The following CNTN4 variants were observed in gnomAD, a reference collection of about 807,000 sequenced individuals.
The protein encoded by CNTN4 is contactin 4.
CNTN4 carries 77 observed loss-of-function variants against 122.5 expected under a neutral mutation model. The ratio of observed to expected loss-of-function variants is 0.63; its 90% CI spans 0.52 to 0.76. The LOEUF (loss-of-function observed/expected upper bound fraction) is 0.76, where lower values mean the gene tolerates loss of function less well. CNTN4 is among the 30% of genes least tolerant of loss of function. The probability of loss-of-function intolerance (pLI) is 0.00; values close to 1 mark genes in which losing one functional copy is unlikely to be tolerated. For synonymous variants in CNTN4, 512 were observed against 447.0 expected (o/e 1.15, Z -1.83); for missense variants, 1,256 against 1,259.1 (o/e 1.00, Z 0.04).
chr3:2,274,683 C>T (rs1165528058), intron 2 of CNTN4, among the ~76,000 whole-genome samples: 1 of 152,044 alleles, frequency 6.6e-6, no homozygotes, highest in East Asian at 1.9e-4. Flanking sequence ...CAAAAGATAT[C>T]CCTGGGGAGG....
intron 2 of CNTN4, among the ~76,000 whole-genome samples, chr3:2,234,741 T>G (rs2039618330): frequency 6.6e-6 from 1 of 152,220 alleles, no homozygotes; most frequent in African/African-American, 2.4e-5. Flanking sequence ...TTTATGAGTG[T>G]GATCGTCACA....
chr3:2,436,385 G>A (rs561765327), intron 3 of CNTN4, among the ~76,000 whole-genome samples: 3 of 152,208 alleles, frequency 2.0e-5, no homozygotes, highest in East Asian at 1.9e-4. Context: ...ATAGGAGAAG[G>A]CATTCTGAAG....
In CNTN4 at chr3:2,413,064, T is replaced by C. The variant is rs115476914; in HGVS notation, c.-89+73831T>C. On this transcript the variant is annotated intron_variant, in intron 3 of 24. Coordinates refer to ENST00000418658, the MANE Select transcript of CNTN4 (RefSeq NM_175607.3). ...CAGGATTCCATATGATTCTACAGGA[T>C]TCCATATGATTCTACATACATATGC... 3.9e-3 allele frequency among the ~76,000 whole-genome samples: 588 copies of C among 152,302 alleles called. 8 individuals carry two copies. The highest frequency in any genetic ancestry group is 0.013 in the African/African-American group (561 of 41,566).
chr3:2,445,113 A>T (rs929942700), intron 3 of CNTN4, among the ~76,000 whole-genome samples: 2 of 152,162 alleles, frequency 1.3e-5, no homozygotes, highest in Non-Finnish European at 2.9e-5. Flanking sequence ...TCTGATTACT[A>T]ATCCTGAAGG....
intron 14 of CNTN4, among the ~76,000 whole-genome samples, chr3:2,995,467 C>T (rs1249791526): frequency 6.6e-6 from 1 of 152,194 alleles, no homozygotes; most frequent in Non-Finnish European, 1.5e-5. Flanking sequence ...TGCCCTGACT[C>T]CAGCCTGCCC....
intron 2 of CNTN4, among the ~76,000 whole-genome samples, chr3:2,203,259 G>C (rs2038184178): frequency 6.6e-6 from 1 of 152,122 alleles, no homozygotes; most frequent in Admixed American, 6.6e-5. Flanking sequence ...TGATCACATA[G>C]TGACTATTTG....
intron 2 of CNTN4, among the ~76,000 whole-genome samples, chr3:2,179,269 G>A (rs773872947): frequency 2.0e-5 from 3 of 151,944 alleles, no homozygotes; most frequent in African/African-American, 4.8e-5. Context: ...AAAATTATCC[G>A]TGAGAGTATT....
chr3:2,880,645 A>C (rs1280492762), intron 8 of CNTN4, among the ~76,000 whole-genome samples: 1 of 152,208 alleles, frequency 6.6e-6, no homozygotes, highest in Non-Finnish European at 1.5e-5. Context: ...CCCAGAAAGG[A>C]GGAATAATTT....
At chr3:2,938,845 A>G (rs1445762015) in intron 13 of CNTN4, among the ~76,000 whole-genome samples, 1 of 152,222 alleles carries the variant, frequency 6.6e-6, no homozygotes, top group Non-Finnish European at 1.5e-5. Context: ...CAGAGAAAAT[A>G]GCTGTGTATC....
intron 2 of CNTN4, among the ~76,000 whole-genome samples, chr3:2,221,867 G>C (rs1341870664): frequency 6.6e-5 from 10 of 151,962 alleles, no homozygotes; most frequent in Non-Finnish European, 1.2e-4. Flanking sequence ...TTACTAGGAT[G>C]GTTAAAATAA....
At chr3:3,031,352 C>G (rs1410617244) in intron 16 of CNTN4, among the ~76,000 whole-genome samples, 1 of 152,096 alleles carries the variant, frequency 6.6e-6, no homozygotes, top group Non-Finnish European at 1.5e-5. Flanking sequence ...AATTAGTATC[C>G]TAGGCCACTG....
At chr3:2,900,249 C>G (rs1007457151) in intron 10 of CNTN4, among the ~76,000 whole-genome samples, 6 of 152,148 alleles carry the variant, frequency 3.9e-5, no homozygotes, top group Non-Finnish European at 8.8e-5. Flanking sequence ...CACTTTCACA[C>G]ACATACAGTT....
chr3:2,115,533 C>A (rs564404996), intron 2 of CNTN4, among the ~76,000 whole-genome samples: 3 of 152,344 alleles, frequency 2.0e-5, no homozygotes, highest in Admixed American at 1.3e-4. Flanking sequence ...CAGGGTGCCT[C>A]TTGAGGCCTG....
chr3:2,364,935 A>G (rs559198568), intron 3 of CNTN4, among the ~76,000 whole-genome samples: 1 of 152,248 alleles, frequency 6.6e-6, no homozygotes, highest in Non-Finnish European at 1.5e-5. Flanking sequence ...TAATAGTGCG[A>G]TTTGGCTTTG....
chr3:2,571,548 G>T lies in CNTN4; in HGVS notation c.45G>T (p.Leu15Phe), dbSNP rs112813310. 1.9e-6 allele frequency: 3 copies of T among 1,613,054 alleles called. No individual in the cohort carries two copies. The highest frequency in any genetic ancestry group is 1.7e-5 in the Admixed American group (1 of 60,022). Residue 15 changes from leucine to phenylalanine, a missense_variant, in exon 4 of 25, where the codon TTG becomes TTT. Transcript: ENST00000418658. ...WELLVLQSFILCLADDSTLHG... is the reference protein window; with the variant it reads ...WELLVLQSFIFCLADDSTLHG... ...TGCTGGTACTGCAATCATTCATTTT[G>T]TGCCTTGCAGGTAGAGTGTCATTTT...
At chr3:2,813,516 AAACT>A (rs1362142265) in intron 6 of CNTN4, among the ~76,000 whole-genome samples, 1 of 152,038 alleles carries the variant, frequency 6.6e-6, no homozygotes, top group Non-Finnish European at 1.5e-5. Context: ...GATTCTTAAC[AAACT>A]ATGATGTGTG....
At chr3:2,644,614 G>C (rs1285832905) in intron 4 of CNTN4, among the ~76,000 whole-genome samples, 1 of 150,980 alleles carries the variant, frequency 6.6e-6, no homozygotes, top group Non-Finnish European at 1.5e-5. Flanking sequence ...CAAGACTATA[G>C]AAGAACTGGA....
intron 6 of CNTN4, among the ~76,000 whole-genome samples, chr3:2,777,105 C>G (rs1335548230): frequency 6.6e-6 from 1 of 152,112 alleles, no homozygotes; most frequent in African/African-American, 2.4e-5. Context: ...CTTAGCCTCC[C>G]AAGCAGCAGG....
At chr3:2,853,735 T>A (rs560115131) in intron 7 of CNTN4, among the ~76,000 whole-genome samples, 2 of 152,304 alleles carry the variant, frequency 1.3e-5, no homozygotes, top group African/African-American at 4.8e-5. Context: ...TCGCTCTCTG[T>A]TTTGGCGTCT....
Sources: allele counts gnomAD v4.1 joint callset (sites outside exome capture counted in the v4.1 genomes callset), GRCh38; gene constraint gnomAD v4.1.1; transcripts MANE v1.5; gene names NCBI Gene and HGNC (gene_info 2026-07-23, HGNC 2026-07-21).